Variants in MAGI2 observed in about 807,000 individuals in gnomAD.
MAGI2 encodes the protein membrane-associated guanylate kinase, WW and PDZ domain-containing protein 2.
Under a neutral mutation model 133.3 loss-of-function variants are expected in MAGI2, and 35 were observed. That is an observed-to-expected ratio of 0.26 (90% confidence interval 0.20 to 0.35). The LOEUF is 0.35. MAGI2 is among the 10% of genes least tolerant of loss of function. MAGI2 has a pLI of 1.00. For missense variants in MAGI2, 1,636 were observed against 1,863.4 expected (o/e 0.88, Z 2.25); for synonymous variants, 729 against 710.6 (o/e 1.03, Z -0.41).
chr7:78,176,785 C>T (rs2150676500), intron 14 of MAGI2, among the ~76,000 whole-genome samples: 1 of 151,996 alleles, frequency 6.6e-6, no homozygotes, highest in South Asian at 2.1e-4. Flanking sequence ...GAAGTTGAGA[C>T]TGCAGTGAGC....
intron 1 of MAGI2, among the ~76,000 whole-genome samples, chr7:79,018,555 C>T (rs375783761): frequency 1.2e-4 from 19 of 152,130 alleles, no homozygotes; most frequent in Admixed American, 3.9e-4. Context: ...CAACACTAAC[C>T]TTGAATGTGA....
intron 3 of MAGI2, among the ~76,000 whole-genome samples, chr7:78,626,055 C>A (rs1049474833): frequency 6.6e-6 from 1 of 152,138 alleles, no homozygotes; most frequent in East Asian, 1.9e-4. Flanking sequence ...GTTAACGTGG[C>A]AAACCCAGCT....
At chr7:78,348,632 T>C (rs1338057299) in intron 7 of MAGI2, among the ~76,000 whole-genome samples, 1 of 152,146 alleles carries the variant, frequency 6.6e-6, no homozygotes, top group Non-Finnish European at 1.5e-5. Flanking sequence ...AAAAAATCCA[T>C]CCACTGAAGC....
At chr7:79,347,393 A>G (rs752113785) in intron 1 of MAGI2, among the ~76,000 whole-genome samples, 11 of 151,742 alleles carry the variant, frequency 7.2e-5, no homozygotes, top group Non-Finnish European at 1.3e-4. Context: ...CCATAATCCC[A>G]TGATTCTTTC....
intron 1 of MAGI2, among the ~76,000 whole-genome samples, chr7:79,320,883 A>G (rs1839132959): frequency 1.3e-5 from 2 of 152,096 alleles, no homozygotes; most frequent in Admixed American, 6.6e-5. Flanking sequence ...ATTGAAGAAA[A>G]CCCACTAAAA....
intron 6 of MAGI2, among the ~76,000 whole-genome samples, chr7:78,489,462 C>T (rs566381434): frequency 8.5e-5 from 13 of 152,084 alleles, no homozygotes; most frequent in East Asian, 7.8e-4. Flanking sequence ...GTCCTCAGAG[C>T]GACGTATTGC....
At chr7:78,514,184 A>T (rs1795849096) in intron 4 of MAGI2, among the ~76,000 whole-genome samples, 1 of 150,394 alleles carries the variant, frequency 6.6e-6, no homozygotes, top group Non-Finnish European at 1.5e-5. Flanking sequence ...TTAAAATGAC[A>T]CTTCTAAAAC....
intron 10 of MAGI2, among the ~76,000 whole-genome samples, chr7:78,241,944 A>G (rs1328387007): frequency 6.6e-6 from 1 of 151,674 alleles, no homozygotes; most frequent in Non-Finnish European, 1.5e-5. Flanking sequence ...AAAAAAAAAA[A>G]AAGATTTCAC....
chr7:79,171,743 A>T (rs71537530), intron 1 of MAGI2, among the ~76,000 whole-genome samples: 6,411 of 26,970 alleles, frequency 0.24, 1,606 homozygotes, highest in Non-Finnish European at 0.46. Context: ...AATAGCCAAA[A>T]ATATATATAT....
chr7:78,377,988 C>A (rs1794603000), intron 6 of MAGI2, among the ~76,000 whole-genome samples: 2 of 151,810 alleles, frequency 1.3e-5, no homozygotes, highest in South Asian at 4.2e-4. Context: ...TATTTTGAAA[C>A]AAATACTTAT....
intron 3 of MAGI2, among the ~76,000 whole-genome samples, chr7:78,574,545 G>A (rs922691235): frequency 1.3e-5 from 2 of 152,150 alleles, no homozygotes; most frequent in African/African-American, 4.8e-5. Flanking sequence ...GATAAGGATG[G>A]CATTGTAACT....
intron 2 of MAGI2, among the ~76,000 whole-genome samples, chr7:78,914,337 T>A (rs1290706204): frequency 6.6e-6 from 1 of 152,200 alleles, no homozygotes; most frequent in Admixed American, 6.6e-5. Flanking sequence ...AGAACAAATG[T>A]AATTTAGTGA....
chr7:79,190,691 T>A (rs889727084), intron 1 of MAGI2, among the ~76,000 whole-genome samples: 1 of 151,888 alleles, frequency 6.6e-6, no homozygotes, highest in Admixed American at 6.6e-5. Flanking sequence ...TCTACCATCT[T>A]AAAGTTTCTA....
At chr7:78,425,561 T>C (rs1268076889) in intron 6 of MAGI2, among the ~76,000 whole-genome samples, 1 of 152,178 alleles carries the variant, frequency 6.6e-6, no homozygotes, top group East Asian at 1.9e-4. Flanking sequence ...TTTCTAAAGA[T>C]TGGTCTGCTG....
At chr7:78,145,733 C>T (rs559760364) in intron 16 of MAGI2, among the ~76,000 whole-genome samples, 1 of 152,268 alleles carries the variant, frequency 6.6e-6, no homozygotes, top group South Asian at 2.1e-4. Flanking sequence ...CATTGTAAAT[C>T]ACCCAGTCTG....
chr7:78,506,655 C>A (rs1475207580), intron 4 of MAGI2, among the ~76,000 whole-genome samples: 1 of 152,214 alleles, frequency 6.6e-6, no homozygotes, highest in Non-Finnish European at 1.5e-5. Context: ...GTGGCCAAAG[C>A]TTCTGCACAG....
chr7:79,201,619 T>A (rs775995508), intron 1 of MAGI2, among the ~76,000 whole-genome samples: 1 of 151,984 alleles, frequency 6.6e-6, no homozygotes, highest in Non-Finnish European at 1.5e-5. Context: ...GGATCAACAG[T>A]GCACAGCTGC....
At chr7:78,293,214 C>T (rs1299343432) in intron 9 of MAGI2, among the ~76,000 whole-genome samples, 1 of 152,052 alleles carries the variant, frequency 6.6e-6, no homozygotes, top group Non-Finnish European at 1.5e-5. Flanking sequence ...CCAGAATCTA[C>T]AAAGAACTTA....
chr7:78,954,820 A>G (rs1258746961), intron 2 of MAGI2, among the ~76,000 whole-genome samples: 1 of 152,134 alleles, frequency 6.6e-6, no homozygotes, highest in Non-Finnish European at 1.5e-5. Context: ...TCAAAGCATA[A>G]AATGATTTTA....
Sources: allele counts gnomAD v4.1 joint callset (sites outside exome capture counted in the v4.1 genomes callset), GRCh38; gene constraint gnomAD v4.1.1; transcripts MANE v1.5; gene names NCBI Gene and HGNC (gene_info 2026-07-23, HGNC 2026-07-21).